Variants in SPNS2 observed in about 807,000 individuals in gnomAD.
The protein encoded by SPNS2 is SPNS lysolipid transporter 2, sphingosine-1-phosphate, also known as sphingosine-1-phosphate transporter SPNS2.
Under a neutral mutation model 57.6 loss-of-function variants are expected in SPNS2, and 37 were observed. The observed-to-expected ratio is 0.64, with a 90% CI of 0.49 to 0.85. SPNS2 has a LOEUF of 0.85. Among genes scored for constraint, SPNS2 ranks in the 40% least tolerant of loss-of-function variants. The pLI is 0.00. For synonymous variants in SPNS2, 440 were observed against 346.9 expected (o/e 1.27, Z -2.98); for missense variants, 831 against 779.1 (o/e 1.07, Z -0.79).
intron 1 of SPNS2, among the ~76,000 whole-genome samples, chr17:4,502,553 C>T (rs1384475528): frequency 1.3e-5 from 2 of 152,274 alleles, no homozygotes; most frequent in Admixed American, 6.5e-5. Context: ...GGTCTAGAGT[C>T]TTTGTTGCCA....
chr17:4,521,190 A>G (rs966797489), intron 2 of SPNS2, among the ~76,000 whole-genome samples: 21 of 152,166 alleles, frequency 1.4e-4, no homozygotes, highest in African/African-American at 4.6e-4. Flanking sequence ...GCCCCTGGCC[A>G]GACAGGGGGA....
At position 4,511,517 on chromosome 17, in the gene SPNS2, G is replaced by C. The variant is rs1024982134; in HGVS notation, c.371-1730G>C. ...AACCTACACATCAGGAGGGGGAACA[G>C]AGTCCTGACCCAGAAAGGAATGGGT... On this transcript the variant is annotated intron_variant, in intron 1 of 12. Transcript: ENST00000329078. This position sits in a 1 kb window ranked among gnomAD's most constrained non-coding sequence, Gnocchi z 4.6. Among the ~76,000 whole-genome samples the C allele has an allele frequency of 5.9e-5, 9 of 152,204 alleles. No homozygotes were observed. The highest frequency in any genetic ancestry group is 2.2e-4 in the African/African-American group (9 of 41,442).
intron 5 of SPNS2, 54 bp downstream of exon 5, chr17:4,531,173 A>C (rs1365871562): frequency 1.9e-6 from 3 of 1,570,342 alleles, no homozygotes; most frequent in African/African-American, 2.7e-5. Flanking sequence ...ACCTCGCCCC[A>C]GGGTTGCCCA....
chr17:4,533,001 GGCCACGTCGGCTGTCTCCTTC>G lies in SPNS2; in HGVS notation c.967_987del (p.Ser323_Thr329del). 2 of 1,613,004 alleles carry G rather than the reference GGCCACGTCGGCTGTCTCCTTC, an allele frequency of 1.2e-6. No homozygotes were observed. The highest frequency in any genetic ancestry group is 1.7e-6 in the Non-Finnish European group (2 of 1,179,824). On this transcript the variant is annotated inframe_deletion, in exon 7 of 13. Transcript: ENST00000329078. Reference sequence around the variant, plus strand: ...GCCGCAGCTACGTCTTCTCCTCCCTGGCCACGTCGGCTGTCTCCTTCGCCACGGGGGCCCTGGGCATGTGGA... The same window carrying G: ...GCCGCAGCTACGTCTTCTCCTCCCTGGCCACGGGGGCCCTGGGCATGTGGA...
In SPNS2 at chr17:4,533,062, C is replaced by T; in HGVS notation, c.1021C>T (p.His341Tyr). Residue 341 changes from histidine (H) to tyrosine (Y), a missense_variant, in exon 7 of 13, where the codon CAC becomes TAC. Physicochemically the swap from His to Tyr is moderately conservative, Grantham distance 83 (BLOSUM62 2). This residue lies in a region of SPNS2 where 526 missense variants were observed against 400.9 expected (regional missense o/e 1.31). Transcript: ENST00000329078. ...ALGMWIPLYL[H>Y]RAQVVQKTAE... ...GGGCATGTGGATCCCGCTCTACCTG[C>T]ACCGCGCCCAAGTTGTGCAGAAGAC... 6.2e-7 allele frequency: 1 copy of T among 1,613,344 alleles called. No individual in the cohort carries two copies. The highest frequency in any genetic ancestry group is 8.5e-7 in the Non-Finnish European group (1 of 1,179,954).
intron 11 of SPNS2, 90 bp downstream of exon 11, chr17:4,536,516 G>T: frequency 1.4e-6 from 2 of 1,454,596 alleles, no homozygotes; most frequent in Admixed American, 1.9e-5. Context: ...GTGGGGCGGG[G>T]AGGGTACAGA....
In SPNS2 at chr17:4,512,742, A is replaced by G. The variant is rs75800572; in HGVS notation, c.371-505A>G. The stretch of plus-strand genomic sequence containing the variant: ...CGTGCGTGTGCAGGTGTGTGTGTGC[A>G]TGTACAGGTGTGTGCGTGTGTGTGC... On this transcript the variant is annotated intron_variant, in intron 1 of 12. Transcript: ENST00000329078. The surrounding 1 kb of genome is among the most constrained non-coding windows in gnomAD (Gnocchi z 5.2). Among the ~76,000 whole-genome samples the G allele has an allele frequency of 0.099, 15,088 of 151,650 alleles. 840 individuals are homozygous for G. The highest frequency in any genetic ancestry group is 0.17 in the Middle Eastern group (50 of 292).
chr17:4,530,607 C>T (rs1381330799), intron 3 of SPNS2, 25 bp from the exon 4 acceptor site: 1 of 1,600,518 alleles, frequency 6.2e-7, no homozygotes, highest in Admixed American at 1.7e-5. Context: ...GTCGGTCCCC[C>T]AGCATCCTCC....
chr17:4,528,939 TTTC>T (rs1905345676), intron 3 of SPNS2, among the ~76,000 whole-genome samples: 2 of 148,088 alleles, frequency 1.4e-5, no homozygotes, highest in South Asian at 4.4e-4. Context: ...ATTTTTATCT[TTTC>T]TTTTTTTTTT....
intron 1 of SPNS2, among the ~76,000 whole-genome samples, chr17:4,500,819 C>G (rs1016487297): frequency 6.6e-6 from 1 of 151,744 alleles, no homozygotes; most frequent in African/African-American, 2.4e-5. Flanking sequence ...TTCCTGCTTT[C>G]AACCCCCCTT....
chr17:4,508,860 A>G (rs1904752584), intron 1 of SPNS2, among the ~76,000 whole-genome samples: 1 of 152,088 alleles, frequency 6.6e-6, no homozygotes, highest in Non-Finnish European at 1.5e-5. Context: ...AGTGGGCCAC[A>G]GCGTTAGCTC....
rs750690453 is a variant in SPNS2 at position 4,513,234 on chromosome 17, G to C, written c.371-13G>C. 4.8e-5 allele frequency: 78 copies of C among 1,613,626 alleles called. No homozygotes were observed. Among genetic ancestry groups the C allele is most frequent in the Non-Finnish European group, 4.6e-5 (54 of 1,179,626 alleles). On this transcript the variant is annotated splice_polypyrimidine_tract_variant and intron_variant, in intron 1 of 12. Coordinates refer to ENST00000329078, the MANE Select transcript of SPNS2 (RefSeq NM_001124758.3). Reference sequence around the variant, plus strand: ...CAGACTCGGCCAGTGAGCACCCTCTGTCTTCCCTCCAGGCGTCCTTCTGGA... The same window carrying C: ...CAGACTCGGCCAGTGAGCACCCTCTCTCTTCCCTCCAGGCGTCCTTCTGGA...
chr17:4,537,056 C>A, intron 12 of SPNS2, 110 bp downstream of exon 12: 1 of 1,178,594 alleles, frequency 8.5e-7, no homozygotes, highest in Non-Finnish European at 1.2e-6. Context: ...CCAGCACATC[C>A]CACCAACTCT....
chr17:4,516,879 C>A (rs1905009989), intron 2 of SPNS2, among the ~76,000 whole-genome samples: 1 of 152,172 alleles, frequency 6.6e-6, no homozygotes, highest in African/African-American at 2.4e-5. Context: ...GTTTAGGGAC[C>A]AGATAAACGT....
chr17:4,535,973 G>A (rs999746526), intron 9 of SPNS2, 103 bp from the exon 10 acceptor site: 2 of 901,572 alleles, frequency 2.2e-6, no homozygotes, highest in Non-Finnish European at 3.4e-6. Context: ...GGGCAGGAGT[G>A]AGTCTGAGGG....
At chr17:4,515,666 CT>C (rs935816436) in intron 2 of SPNS2, among the ~76,000 whole-genome samples, 4 of 152,262 alleles carry the variant, frequency 2.6e-5, no homozygotes, top group African/African-American at 7.2e-5. Context: ...CATAATTGGC[CT>C]GTGTCCCAGG....
chr17:4,513,418 T>G, intron 2 of SPNS2, 106 bp downstream of exon 2: 1 of 1,233,934 alleles, frequency 8.1e-7, no homozygotes, highest in Non-Finnish European at 1.2e-6. Flanking sequence ...CTGTCCTGAC[T>G]CCTGGAAAGA....
At position 4,507,086 on chromosome 17, in the gene SPNS2, G is replaced by A. The variant is rs958121271; in HGVS notation, c.371-6161G>A. The stretch of plus-strand genomic sequence containing the variant: ...GTCCCTAGGCTGGTGGGGTGCCAGC[G>A]GGGCCGGGCTGTGGGTTCCCAGCCT... On this transcript the variant is annotated intron_variant, in intron 1 of 12. Coordinates refer to ENST00000329078, the MANE Select transcript of SPNS2 (RefSeq NM_001124758.3). 3.3e-5 allele frequency among the ~76,000 whole-genome samples: 5 copies of A among 152,316 alleles called. No homozygotes were observed. In the South Asian group the frequency reaches 6.2e-4, roughly 19 times the overall value.
rs142287828 is a variant in SPNS2 at position 4,530,081 on chromosome 17, C to T, written c.574-551C>T. ...CAGCTGGCAGGGCCCCACCCTTCCC[C>T]ACTCAGCTGGGCTTTGCCCTTTGGT... is the stretch of plus-strand genomic sequence containing the variant. On this transcript the variant is annotated intron_variant, in intron 3 of 12. Transcript: ENST00000329078. 6.8e-3 allele frequency among the ~76,000 whole-genome samples: 1,043 copies of T among 152,344 alleles called. 9 individuals carry two copies. The highest frequency in any genetic ancestry group is 0.03 in the South Asian group (144 of 4,830).
Sources: gnomAD v4.1 joint callset for allele counts (sites outside exome capture counted in the v4.1 genomes callset) on GRCh38, gnomAD v4.1.1 for gene constraint, gnomAD v4.1.1 regional missense constraint, Gnocchi (gnomAD v3.1) non-coding constraint, MANE v1.5 for transcripts, NCBI Gene and HGNC (gene_info 2026-07-23, HGNC 2026-07-21) for gene names.